The following ATRNL1 variants were observed in gnomAD, a reference collection of about 807,000 sequenced individuals.
ATRNL1 encodes attractin-like protein 1.
ATRNL1 carries 95 observed loss-of-function variants against 182.7 expected under a neutral mutation model. The observed-to-expected ratio is 0.52, with a 90% CI of 0.44 to 0.62. ATRNL1 has a LOEUF of 0.62. Ranked by LOEUF, ATRNL1 falls within the 20% of genes least tolerant of loss-of-function variation. The pLI is 0.00. For synonymous variants in ATRNL1, 576 were observed against 568.3 expected (o/e 1.01, Z -0.19); for missense variants, 1,471 against 1,679.5 (o/e 0.88, Z 2.17).
intron 27 of ATRNL1, among the ~76,000 whole-genome samples, chr10:115,796,487 C>G (rs1392905454): frequency 6.6e-6 from 1 of 152,152 alleles, no homozygotes; most frequent in Non-Finnish European, 1.5e-5. Context: ...TCTTTCTCAC[C>G]CACTGGACTG....
chr10:115,511,281 A>G (rs929922550), intron 24 of ATRNL1, among the ~76,000 whole-genome samples: 2 of 151,896 alleles, frequency 1.3e-5, no homozygotes, highest in African/African-American at 4.8e-5. Flanking sequence ...TTAATCTCCA[A>G]TTTGAATTTA....
chr10:115,522,774 A>G (rs913098240), intron 25 of ATRNL1, among the ~76,000 whole-genome samples: 1 of 151,114 alleles, frequency 6.6e-6, no homozygotes, highest in South Asian at 2.1e-4. Context: ...CCAAGATACA[A>G]TGGTGGAACA....
In ATRNL1 at chr10:115,496,272, C is replaced by A. The variant is rs528742331; in HGVS notation, c.3655-22991C>A. Among the ~76,000 whole-genome samples the A allele has an allele frequency of 9.9e-4, 150 of 152,126 alleles. 1 individual carries two copies. In the Middle Eastern group the frequency reaches 0.021, roughly 21 times the overall value. On this transcript the variant is annotated intron_variant, in intron 24 of 28. Transcript: ENST00000355044. Reference sequence around the variant, plus strand: ...TTATGCAGACTTGTTTGTGCAGTTTCTTTATAGTTTCAGTTATCTATGTAC... The same window carrying A: ...TTATGCAGACTTGTTTGTGCAGTTTATTTATAGTTTCAGTTATCTATGTAC...
intron 28 of ATRNL1, among the ~76,000 whole-genome samples, chr10:115,857,748 A>G (rs1555102463): frequency 1.3e-5 from 2 of 152,254 alleles, no homozygotes; most frequent in Non-Finnish European, 2.9e-5. Context: ...CATGCTGCAG[A>G]AAAGAGTCAA....
At chr10:115,145,470 T>A (rs1180899547) in intron 5 of ATRNL1, among the ~76,000 whole-genome samples, 1 of 152,152 alleles carries the variant, frequency 6.6e-6, no homozygotes, top group East Asian at 1.9e-4. Context: ...GTATAATGAT[T>A]ACCACTCACA....
intron 27 of ATRNL1, among the ~76,000 whole-genome samples, chr10:115,756,204 A>G (rs1304668923): frequency 6.6e-6 from 1 of 151,840 alleles, no homozygotes; most frequent in African/African-American, 2.4e-5. Context: ...GTCTTCTGCT[A>G]GCTTTTGAAT....
intron 26 of ATRNL1, among the ~76,000 whole-genome samples, chr10:115,629,543 G>C (rs116088908): frequency 2.7e-3 from 408 of 152,260 alleles, no homozygotes; most frequent in African/African-American, 9.2e-3. Flanking sequence ...TTAAGAGAAA[G>C]TATAGGAAGC....
chr10:115,860,447 G>A (rs1951288048), intron 28 of ATRNL1, among the ~76,000 whole-genome samples: 1 of 152,178 alleles, frequency 6.6e-6, no homozygotes, highest in Admixed American at 6.5e-5. Flanking sequence ...GAGAGAGGCT[G>A]AGTTACATTT....
At chr10:115,716,889 C>G (rs1593115119) in intron 26 of ATRNL1, among the ~76,000 whole-genome samples, 2 of 152,248 alleles carry the variant, frequency 1.3e-5, no homozygotes, top group Non-Finnish European at 1.5e-5. Context: ...AAGAAATATA[C>G]TCCATAGTAT....
At chr10:115,878,486 T>A (rs528873267) in intron 28 of ATRNL1, among the ~76,000 whole-genome samples, 1 of 152,336 alleles carries the variant, frequency 6.6e-6, no homozygotes, top group East Asian at 1.9e-4. Flanking sequence ...GGTTCTGAAC[T>A]TGCAGAATAC....
At chr10:115,150,559 T>G (rs1371233325) in intron 5 of ATRNL1, among the ~76,000 whole-genome samples, 1 of 152,112 alleles carries the variant, frequency 6.6e-6, no homozygotes, top group Non-Finnish European at 1.5e-5. Flanking sequence ...CAAAAAGTTT[T>G]TTTATTTTCT....
intron 26 of ATRNL1, among the ~76,000 whole-genome samples, chr10:115,713,713 T>TATC (rs1202662543): frequency 0.012 from 1,089 of 89,586 alleles, 6 homozygotes; most frequent in African/African-American, 0.034. Context: ...ATCATCTATC[T>TATC]ATCTATCTAT....
chr10:115,798,405 G>A (rs1180504098), intron 27 of ATRNL1, among the ~76,000 whole-genome samples: 2 of 152,148 alleles, frequency 1.3e-5, no homozygotes, highest in East Asian at 3.9e-4. Flanking sequence ...ACCACTGCCT[G>A]TTGCCCTCAG....
chr10:115,745,440 A>C (rs11197429), intron 27 of ATRNL1, among the ~76,000 whole-genome samples: 71,232 of 152,042 alleles, frequency 0.47, 18,396 homozygotes, highest in East Asian at 0.76. Flanking sequence ...TAATGTTTGC[A>C]TACAGGTCTT....
In ATRNL1 at chr10:115,944,802, A is replaced by G; in HGVS notation, c.*23A>G. 3.7e-6 allele frequency: 6 copies of G among 1,606,180 alleles called. No homozygotes were observed. The highest frequency in any genetic ancestry group is 4.2e-6 in the Non-Finnish European group (5 of 1,176,538). ...TGAGAAATGGAAACCGCTCCTGTAT[A>G]TTCTGTACTGTTTTACTTCGGGCTT... On this transcript the variant is annotated 3_prime_UTR_variant, in exon 29 of 29. Transcript: ENST00000355044.
chr10:115,290,568 A>C (rs2133949705), intron 15 of ATRNL1, among the ~76,000 whole-genome samples: 1 of 152,266 alleles, frequency 6.6e-6, no homozygotes, highest in Middle Eastern at 3.4e-3. Context: ...AGGCGGGAGA[A>C]TTGCTTGAAT....
Position 115,751,214 on chromosome 10 carries a change from A to G in ATRNL1, c.3903+23859A>G, listed in dbSNP as rs74158275. ...GAAGGTGGAAGGGGACTGCAAGCCA[A>G]GGAATGTGGGCAACCTCTACAAGCT... is the stretch of plus-strand genomic sequence containing the variant. On this transcript the variant is annotated intron_variant, in intron 27 of 28. Transcript: ENST00000355044. Among the ~76,000 whole-genome samples, 757 of 152,118 alleles carry G rather than the reference A, an allele frequency of 5.0e-3. 9 individuals carry two copies. The highest frequency in any genetic ancestry group is 0.017 in the African/African-American group (711 of 41,526).
chr10:115,410,955 CTCA>C (rs1475820254), intron 20 of ATRNL1, among the ~76,000 whole-genome samples: 1 of 152,002 alleles, frequency 6.6e-6, no homozygotes, highest in Non-Finnish European at 1.5e-5. Flanking sequence ...CCAGGCTGGT[CTCA>C]AACTCCTGAC....
Position 115,946,522 on chromosome 10 carries a change from T to C in ATRNL1, c.*1743T>C, listed in dbSNP as rs1555125817. On this transcript the variant is annotated 3_prime_UTR_variant, in exon 29 of 29. Coordinates refer to ENST00000355044, the MANE Select transcript of ATRNL1 (RefSeq NM_207303.4). ...GTATATATTCCTCATGTTGGCATGA[T>C]AATTTTGCTATTTTCCATGCATTAA... The C allele has an allele frequency of 6.6e-6, 1 of 152,206 alleles. No individual in the cohort carries two copies. The highest frequency in any genetic ancestry group is 2.4e-5 in the African/African-American group (1 of 41,458). 9.4% of individuals were successfully genotyped at this position (152,206 alleles called of 1,614,324 possible).
Sources: allele counts gnomAD v4.1 joint callset (sites outside exome capture counted in the v4.1 genomes callset), GRCh38; gene constraint gnomAD v4.1.1; transcripts MANE v1.5; gene names NCBI Gene and HGNC (gene_info 2026-07-23, HGNC 2026-07-21).